HOMER2: variants seen among roughly 807,000 people sequenced by gnomAD.
The protein encoded by HOMER2 is homer scaffold protein 2, also known as homer protein homolog 2.
In HOMER2, 27 loss-of-function variants were observed where a neutral mutation model predicts 47.0. The ratio of observed to expected loss-of-function variants is 0.57; its 90% confidence interval spans 0.42 to 0.79. The LOEUF (loss-of-function observed/expected upper bound fraction) is 0.79. HOMER2 is among the 30% of genes least tolerant of loss of function. HOMER2 has a pLI of 0.00. For synonymous variants in HOMER2, 161 were observed against 163.8 expected, an observed-to-expected ratio of 0.98 and a Z score of 0.13; for missense variants, 443 against 435.0, an observed-to-expected ratio of 1.02 and a Z score of -0.16.
intron 5 of HOMER2, 21 bp downstream of exon 5, chr15:82,859,008 T>G (rs192977387): frequency 4.4e-6 from 7 of 1,605,516 alleles, no homozygotes; most frequent in Non-Finnish European, 6.0e-6. Flanking sequence ...AAATAGAATC[T>G]GGACTTTAAA....
At chr15:82,911,263 T>C (rs963001268) in intron 1 of HOMER2, among the ~76,000 whole-genome samples, 1 of 152,226 alleles carries the variant, frequency 6.6e-6, no homozygotes, top group Non-Finnish European at 1.5e-5. Context: ...GTTTAAAAAC[T>C]TAGAAGTCTA....
At chr15:82,944,210 T>C (rs113581482) in intron 1 of HOMER2, among the ~76,000 whole-genome samples, 3,014 of 152,294 alleles carry the variant, frequency 0.02, 43 homozygotes, top group Middle Eastern at 0.037. Flanking sequence ...GGAGTCTTCA[T>C]CATGCATTCA....
chr15:82,940,004 G>A (rs111624646), intron 1 of HOMER2, among the ~76,000 whole-genome samples: 6,920 of 152,260 alleles, frequency 0.045, 224 homozygotes, highest in Non-Finnish European at 0.07. Flanking sequence ...ACTCATAAGT[G>A]GGAATTGAAC....
chr15:82,953,321 C>T (rs1255154760), upstream of HOMER2, among the ~76,000 whole-genome samples: 2 of 152,142 alleles, frequency 1.3e-5, no homozygotes, highest in Non-Finnish European at 2.9e-5. Flanking sequence ...GAGATGAGGG[C>T]TCCCACTTGA....
At chr15:82,889,760 G>A (rs2621227) in intron 2 of HOMER2, among the ~76,000 whole-genome samples, 84,921 of 151,956 alleles carry the variant, frequency 0.56, 24,071 homozygotes, top group East Asian at 0.83. Flanking sequence ...AAGGCACAGG[G>A]TATGATCTAG....
At chr15:82,836,345 G>A (rs2051126694), downstream of HOMER2, among the ~76,000 whole-genome samples, 2 of 152,210 alleles carry the variant, frequency 1.3e-5, no homozygotes, top group African/African-American at 2.4e-5. Context: ...GCCCACACAG[G>A]AAGGGCAGCC....
intron 3 of HOMER2, 91 bp from the exon 4 acceptor site, chr15:82,864,350 AG>A: frequency 1.3e-6 from 1 of 761,272 alleles, no homozygotes; most frequent in South Asian, 1.8e-5. Context: ...CATCCATTTT[AG>A]GCCCATACAT....
Position 82,937,739 on chromosome 15 carries a change from T to C in HOMER2, c.5+14792A>G, listed in dbSNP as rs376216427. ...CAATGGAGACAGAGCAGGCTCCCCC[T>C]CCTCCCACATGGTGTGCCCAGGGCT... is the stretch of plus-strand genomic sequence containing the variant. On this transcript the variant is annotated intron_variant, in intron 1 of 8. Transcript: ENST00000450735. 5.3e-5 allele frequency among the ~76,000 whole-genome samples: 8 copies of C among 152,166 alleles called. No individual in the cohort carries two copies. The East Asian group carries it at 1.4e-3, about 26-fold the overall frequency.
intron 3 of HOMER2, among the ~76,000 whole-genome samples, chr15:82,871,591 C>A (rs760079126): frequency 4.6e-5 from 7 of 152,160 alleles, no homozygotes; most frequent in Non-Finnish European, 1.0e-4. Flanking sequence ...AACATTTGGA[C>A]AAAGGGGTTA....
intron 5 of HOMER2, among the ~76,000 whole-genome samples, chr15:82,857,143 T>A (rs1231492526): frequency 6.6e-6 from 1 of 151,878 alleles, no homozygotes; most frequent in Non-Finnish European, 1.5e-5. Flanking sequence ...TAGGATTAGG[T>A]GAGGGCGTGA....
intron 2 of HOMER2, 57 bp from the exon 3 acceptor site, chr15:82,875,461 T>A: frequency 6.3e-7 from 1 of 1,588,492 alleles, no homozygotes; most frequent in Admixed American, 1.7e-5. Flanking sequence ...ACAAAGTCAT[T>A]CCTTAGAAAG....
intron 4 of HOMER2, among the ~76,000 whole-genome samples, chr15:82,863,751 T>C (rs1479049767): frequency 6.6e-6 from 1 of 152,342 alleles, no homozygotes; most frequent in Non-Finnish European, 1.5e-5. Flanking sequence ...GCTGTTGGAA[T>C]AACCACTTCC....
chr15:82,851,072 T>C (rs1167367845), intron 8 of HOMER2, 79 bp downstream of exon 8: 2 of 936,918 alleles, frequency 2.1e-6, no homozygotes, highest in African/African-American at 3.3e-5. Context: ...GTGAAAGTGA[T>C]AGGAAGCAGG....
At chr15:82,871,611 T>G (rs900050717) in intron 3 of HOMER2, among the ~76,000 whole-genome samples, 1 of 152,222 alleles carries the variant, frequency 6.6e-6, no homozygotes, top group African/African-American at 2.4e-5. Context: ...ATCTGAGGGC[T>G]TCTCTGACAA....
intron 2 of HOMER2, among the ~76,000 whole-genome samples, chr15:82,877,192 CAG>C (rs1033329840): frequency 2.6e-5 from 4 of 151,992 alleles, no homozygotes; most frequent in African/African-American, 9.7e-5. Context: ...TTTTTTGAGA[CAG>C]AGTCTTGCTC....
At chr15:82,892,898 T>C (rs998022342) in intron 1 of HOMER2, 57 bp from the exon 2 acceptor site, 5 of 1,364,262 alleles carry the variant, frequency 3.7e-6, no homozygotes, top group African/African-American at 1.4e-5. Context: ...GTATAATTTA[T>C]GATTTCTAGG....
At chr15:82,935,083 C>T (rs553086386) in intron 1 of HOMER2, among the ~76,000 whole-genome samples, 5 of 152,244 alleles carry the variant, frequency 3.3e-5, no homozygotes, top group East Asian at 1.9e-4. Context: ...CTCTGCCCCC[C>T]GCCTTCAACT....
intron 1 of HOMER2, among the ~76,000 whole-genome samples, chr15:82,976,008 A>T (rs985952240): frequency 1.2e-4 from 18 of 152,182 alleles, no homozygotes; most frequent in African/African-American, 3.1e-4. Flanking sequence ...AATTAAAATT[A>T]AAAAAATTTT....
chr15:82,879,902 C>A lies in HOMER2; in HGVS notation c.163-4498G>T, dbSNP rs116894299. Among the ~76,000 whole-genome samples the A allele has an allele frequency of 5.4e-3, 817 of 152,030 alleles. 6 individuals are homozygous for A. The highest frequency in any genetic ancestry group is 0.014 in the Middle Eastern group (4 of 294). ...ATAAATACACTGCAGTATTTCCATACAATGAAATACTAATCCAGCAGGAAA... is the reference window on the plus strand; with the variant it reads ...ATAAATACACTGCAGTATTTCCATAAAATGAAATACTAATCCAGCAGGAAA... On this transcript the variant is annotated intron_variant, in intron 2 of 8. Coordinates refer to ENST00000450735, the MANE Select transcript of HOMER2 (RefSeq NM_004839.4).
Sources: allele counts gnomAD v4.1 joint callset (sites outside exome capture counted in the v4.1 genomes callset), GRCh38; gene constraint gnomAD v4.1.1; transcripts MANE v1.5; gene names NCBI Gene and HGNC (gene_info 2026-07-23, HGNC 2026-07-21).